TMC6: variants seen among roughly 807,000 people sequenced by gnomAD.
TMC6 encodes transmembrane channel like 6.
A neutral mutation model predicts 95.4 loss-of-function variants in TMC6; 71 were observed. That is an observed-to-expected ratio of 0.74 (90% CI 0.61 to 0.91). The LOEUF is 0.91. TMC6 is among the 40% of genes least tolerant of loss of function. The pLI is 0.00. For synonymous variants in TMC6, 514 were observed against 483.1 expected (o/e 1.06, Z -0.84); for missense variants, 1,074 against 1,079.1 (o/e 1.00, Z 0.07).
At position 78,128,284 on chromosome 17, in the gene TMC6, C is replaced by A. The variant is rs1443085616; in HGVS notation, c.-75+328G>T. On this transcript the variant is annotated intron_variant, in intron 1 of 19. Transcript: ENST00000590602. The surrounding 1 kb of genome is among the most constrained non-coding windows in gnomAD (Gnocchi z 4.0). ...CGGCTGCAACTCTGGGGCCACCGAACCCGTCCAGCCGGCCTCCCTGTCCCC... is the reference window on the plus strand; with the variant it reads ...CGGCTGCAACTCTGGGGCCACCGAAACCGTCCAGCCGGCCTCCCTGTCCCC... Among the ~76,000 whole-genome samples the A allele has an allele frequency of 1.3e-5, 2 of 152,146 alleles. No individual in the cohort carries two copies. The highest frequency in any genetic ancestry group is 4.8e-5 in the African/African-American group (2 of 41,434).
rs201758709 is a variant in TMC6, at chr17:78,117,459, G to A, written c.2198+9C>T. 131 of 1,610,282 alleles carry A rather than the reference G, an allele frequency of 8.1e-5. No individual in the cohort carries two copies. In the South Asian group the frequency reaches 1.1e-3, roughly 14 times the overall value. ...TCTCCCCAGGGCCGCCCCCACCTGC[G>A]GGACTCACAGCAGCAGGGCTGACAC... On this transcript the variant is annotated intron_variant, in intron 17 of 19. Coordinates refer to ENST00000590602, the MANE Select transcript of TMC6 (RefSeq NM_001127198.5).
rs2074744859 is a variant in TMC6 at position 78,126,837 on chromosome 17, C to T, written c.-5G>A. The T allele has an allele frequency of 6.2e-7, 1 of 1,611,938 alleles. No homozygotes were observed. The highest frequency in any genetic ancestry group is 8.5e-7 in the Non-Finnish European group (1 of 1,179,828). ...GAAGGCCAGTGGCTGGGCCATGTCT[C>T]TGGCCAATGCCCGCTAGTCTGCAGA... On this transcript the variant is annotated 5_prime_UTR_variant, in exon 2 of 20. Transcript: ENST00000590602.
intron 8 of TMC6, 86 bp downstream of exon 8, chr17:78,124,438 C>G (rs550576299): frequency 1.3e-6 from 2 of 1,585,796 alleles, no homozygotes; most frequent in African/African-American, 2.7e-5. Context: ...TTGGGGGCCC[C>G]AGGGGAGCTG....
Position 78,121,492 on chromosome 17 carries a change from G to A in TMC6, c.1383+64C>T, listed in dbSNP as rs1022409339. On this transcript the variant is annotated intron_variant, in intron 11 of 19. Transcript: ENST00000590602. This position sits in a 1 kb window ranked among gnomAD's most constrained non-coding sequence, Gnocchi z 5.6. Reference sequence around the variant, plus strand: ...AGAGGCAAGGCTGCCTCCCCAGGGGGCAGGTGCCCAGAGTCACTGGGGACA... The same window carrying A: ...AGAGGCAAGGCTGCCTCCCCAGGGGACAGGTGCCCAGAGTCACTGGGGACA... 8.7e-6 allele frequency: 14 copies of A among 1,606,960 alleles called. No individual in the cohort carries two copies. Among genetic ancestry groups the A allele is most frequent in the African/African-American group, 1.3e-5 (1 of 74,746 alleles).
chr17:78,114,041 C>T (rs1383419440), intron 18 of TMC6: 10 of 309,072 alleles, frequency 3.2e-5, no homozygotes, highest in Non-Finnish European at 5.7e-5. Context: ...TCATCAACTT[C>T]GTGGCTTAAA....
intron 18 of TMC6, among the ~76,000 whole-genome samples, chr17:78,115,642 G>A (rs937417313): frequency 2.3e-4 from 35 of 149,678 alleles, no homozygotes; most frequent in Non-Finnish European, 2.5e-4. Flanking sequence ...GCACAGGGGC[G>A]AAGGGAGTGG....
At chr17:78,127,045 A>G (rs2145435565) in intron 1 of TMC6, 139 bp from the exon 2 acceptor site, 1 of 638,520 alleles carries the variant, frequency 1.6e-6, no homozygotes, top group East Asian at 2.7e-5. Context: ...CCCCAGGTAC[A>G]TAAATGGTGA....
chr17:78,128,798 C>CT (rs1325322079), upstream of TMC6: 1 of 75,226 alleles, frequency 1.3e-5, no homozygotes, highest in Non-Finnish European at 2.9e-5. The surrounding 1 kb of genome is among the most constrained non-coding windows in gnomAD (Gnocchi z 4.0). Context: ...CCCACGTGGG[C>CT]GGGGGGGGGG....
At chr17:78,115,132 T>G (rs75712627) in intron 18 of TMC6, among the ~76,000 whole-genome samples, 231 of 152,342 alleles carry the variant, frequency 1.5e-3, no homozygotes, top group African/African-American at 5.3e-3. Flanking sequence ...CAGTGTGTAC[T>G]ACAGTGTTTA....
intron 8 of TMC6, 48 bp from the exon 9 acceptor site, chr17:78,124,227 C>T (rs765568752): frequency 1.9e-6 from 3 of 1,605,280 alleles, no homozygotes; most frequent in Non-Finnish European, 2.5e-6. Flanking sequence ...CCACGCCCCA[C>T]CCGACCCTCA....
rs536026012 is a variant in TMC6 at position 78,122,542 on chromosome 17, T to C, written c.1227+63A>G. On this transcript the variant is annotated intron_variant, in intron 10 of 19. Coordinates refer to ENST00000590602, the MANE Select transcript of TMC6 (RefSeq NM_001127198.5). This position sits in a 1 kb window ranked among gnomAD's most constrained non-coding sequence, Gnocchi z 4.9. ...ATGGTTCTGGTCACATGGTCCTAAG[T>C]GGACCCAGGGCCAGGCCTGCAGGGA... The C allele has an allele frequency of 1.1e-3, 1,707 of 1,596,772 alleles. 43 individuals are homozygous for C. The South Asian group carries it at 0.018, about 17-fold the overall frequency.
At chr17:78,119,490 G>T in intron 13 of TMC6, 98 bp from the exon 14 acceptor site, 1 of 1,241,094 alleles carries the variant, frequency 8.1e-7, no homozygotes, top group East Asian at 2.4e-5. Context: ...CCAGCCAGGG[G>T]ACATCCTGGC....
In TMC6 at chr17:78,121,745, C is replaced by G. The variant is rs1479533436; in HGVS notation, c.1228-34G>C. The G allele has an allele frequency of 2.3e-5, 36 of 1,551,692 alleles. No individual in the cohort carries two copies. The highest frequency in any genetic ancestry group is 3.1e-5 in the Non-Finnish European group (36 of 1,153,194). On this transcript the variant is annotated intron_variant, in intron 10 of 19. Transcript: ENST00000590602. This position sits in a 1 kb window ranked among gnomAD's most constrained non-coding sequence, Gnocchi z 5.6. ...GGCACCGTGTCCCCGTCACCCACACCAGAGCACGGGCACACGCAGACGTGC... is the reference window on the plus strand; with the variant it reads ...GGCACCGTGTCCCCGTCACCCACACGAGAGCACGGGCACACGCAGACGTGC...
In TMC6 at chr17:78,125,767, A is replaced by G; in HGVS notation, c.389T>C (p.Leu130Pro). Residue 130 changes from leucine to proline, a missense_variant, in exon 5 of 20, where the codon CTG becomes CCG. Leu to Pro is a moderately conservative substitution (Grantham distance 98). Coordinates refer to ENST00000590602, the MANE Select transcript of TMC6 (RefSeq NM_001127198.5). The stretch of plus-strand genomic sequence containing the variant: ...CGTGGGGTCCAGCTCCAGGTCGTAC[A>G]GGCGGAGGCTGGGCCAGGCGGAGCG... ...FVRSAWPSLRLYDLELDPTAL... is the reference protein window; with the variant it reads ...FVRSAWPSLRPYDLELDPTAL... 1 of 1,567,870 alleles carries G rather than the reference A, an allele frequency of 6.4e-7. No homozygotes were observed. The highest frequency in any genetic ancestry group is 8.6e-7 in the Non-Finnish European group (1 of 1,156,738).
chr17:78,117,762 A>G (rs1045761563), intron 16 of TMC6, 40 bp downstream of exon 16: 36 of 1,592,348 alleles, frequency 2.3e-5, no homozygotes, highest in Non-Finnish European at 2.7e-5. Flanking sequence ...CCCAACCCCC[A>G]GATGACACAG....
intron 2 of TMC6, 25 bp from the exon 3 acceptor site, chr17:78,126,673 T>G (rs931453948): frequency 6.2e-7 from 1 of 1,611,476 alleles, no homozygotes; most frequent in South Asian, 1.1e-5. Context: ...GGCGGGGGGG[T>G]CAGGCTCCAG....
upstream of TMC6, chr17:78,131,234 C>G (rs531132629): frequency 2.0e-5 from 8 of 409,698 alleles, no homozygotes; most frequent in East Asian, 5.6e-5. Flanking sequence ...TTGCCTGTGC[C>G]GGTCCAGACT....
In TMC6 at chr17:78,112,866, G is replaced by A. The variant is rs1389511693; in HGVS notation, c.*282C>T. On this transcript the variant is annotated 3_prime_UTR_variant, in exon 20 of 20. Coordinates refer to ENST00000590602, the MANE Select transcript of TMC6 (RefSeq NM_001127198.5). ...TGCGCCTGGAGGTGGCCCCAGGGCA[G>A]CGGGAAGCAGGCCCCGGGTGTGGTC... is the stretch of plus-strand genomic sequence containing the variant. The A allele has an allele frequency of 4.0e-6, 2 of 500,194 alleles. No individual in the cohort carries two copies. Among genetic ancestry groups the A allele is most frequent in the Non-Finnish European group, 3.5e-6 (1 of 281,898 alleles). The allele number at this position is 500,194 out of a possible 1,614,324, so 31.0% of individuals were successfully genotyped here. A position where few individuals can be genotyped will look rare whatever the true frequency, so the allele number is the denominator to read the frequency against.
At chr17:78,125,308 C>T in intron 5 of TMC6, 45 bp from the exon 6 acceptor site, 1 of 1,524,006 alleles carries the variant, frequency 6.6e-7, no homozygotes, top group South Asian at 1.2e-5. Context: ...AAGTGCCCCT[C>T]CCTGCAGCCC....
Sources: allele counts gnomAD v4.1 joint callset (sites outside exome capture counted in the v4.1 genomes callset), GRCh38; gene constraint gnomAD v4.1.1; non-coding constraint Gnocchi (gnomAD v3.1); transcripts MANE v1.5; gene names NCBI Gene and HGNC (gene_info 2026-07-23, HGNC 2026-07-21).